Variants in SFTPD observed in about 807,000 individuals in gnomAD.
SFTPD encodes surfactant protein D.
A neutral mutation model predicts 34.6 loss-of-function variants in SFTPD; 18 were observed. The observed-to-expected ratio is 0.52, with a 90% CI of 0.36 to 0.77. The LOEUF (loss-of-function observed/expected upper bound fraction) is 0.77. Ranked by LOEUF, SFTPD falls within the 30% of genes least tolerant of loss-of-function variation. SFTPD has a pLI of 0.00. For missense variants in SFTPD, 433 were observed against 468.9 expected (o/e 0.92, Z 0.71); for synonymous variants, 155 against 180.9 (o/e 0.86, Z 1.15).
In SFTPD at chr10:79,940,775, C is replaced by G; in HGVS notation, c.681G>C (p.Leu227=). 1.2e-6 allele frequency: 2 copies of G among 1,610,638 alleles called. No homozygotes were observed. The highest frequency in any genetic ancestry group is 4.5e-5 in the East Asian group (2 of 44,838). Residue 227 remains leucine (L), a synonymous_variant, in exon 7 of 8, where the codon CTG becomes CTC. Coordinates refer to ENST00000372292, the MANE Select transcript of SFTPD (RefSeq NM_003019.5). ...CCTGTAAGGCCTCAACCTGCTGCCT[C>G]AGAGAAGCAACATCTGGAGGGGAGA... ...GESGLPDVAS[L]RQQVEALQGQ...
At chr10:79,979,350 C>A (rs201786515) in intron 1 of SFTPD, among the ~76,000 whole-genome samples, 1 of 152,126 alleles carries the variant, frequency 6.6e-6, no homozygotes, top group Non-Finnish European at 1.5e-5. Flanking sequence ...TTCATAAGAA[C>A]CAAAAATCAG....
chr10:79,976,937 T>C (rs191261729), intron 1 of SFTPD, among the ~76,000 whole-genome samples: 15 of 152,330 alleles, frequency 9.8e-5, no homozygotes, highest in African/African-American at 3.6e-4. Context: ...GGTGGATTTA[T>C]CAAGGGTTTC....
At chr10:79,945,612 C>T (rs1169827887) in intron 2 of SFTPD, among the ~76,000 whole-genome samples, 1 of 152,204 alleles carries the variant, frequency 6.6e-6, no homozygotes, top group African/African-American at 2.4e-5. Flanking sequence ...CTCATCAGTA[C>T]CTCTGCTAAG....
chr10:79,951,290 G>C (rs1262936616), upstream of SFTPD, among the ~76,000 whole-genome samples: 1 of 152,120 alleles, frequency 6.6e-6, no homozygotes, highest in Non-Finnish European at 1.5e-5. Context: ...TGCTTATGCT[G>C]ATTTCTTCTC....
chr10:79,950,632 T>G (rs937866984), upstream of SFTPD: 1 of 152,254 alleles, frequency 6.6e-6, no homozygotes, highest in African/African-American at 2.4e-5. Context: ...ACATTGACTT[T>G]GGATAGTCTG....
At chr10:79,980,282 C>T (rs1298810403) in intron 1 of SFTPD, among the ~76,000 whole-genome samples, 4 of 152,038 alleles carry the variant, frequency 2.6e-5, no homozygotes, top group East Asian at 1.9e-4. Context: ...ACTTGGGTAC[C>T]AGCTCAGTCT....
At chr10:79,955,221 G>T (rs192925930) in intron 1 of SFTPD, among the ~76,000 whole-genome samples, 1 of 152,140 alleles carries the variant, frequency 6.6e-6, no homozygotes, top group African/African-American at 2.4e-5. Context: ...CTTTTACTTG[G>T]ATCCCAAATG....
chr10:79,940,730 C>G lies in SFTPD; in HGVS notation c.726G>C (p.Gln242His). 6.2e-7 allele frequency: 1 copy of G among 1,610,270 alleles called. No homozygotes were observed. The highest frequency in any genetic ancestry group is 8.5e-7 in the Non-Finnish European group (1 of 1,176,858). ...CTTTCTTATACTGAGAGAAAGCAGC[C>G]TGGAGGTGCTGTACTTGTCCCTGTA... The part of the protein sequence containing the change: ...EALQGQVQHL[Q>H]AAFSQYKKVE... The change falls in exon 7 of 8, where the codon CAG (glutamine) becomes CAC (histidine). Residue 242 changes from glutamine (Q) to histidine (H), a missense_variant. By Grantham distance (24) the Gln-to-His change is conservative. Transcript: ENST00000372292.
In SFTPD at chr10:79,941,449, C is replaced by G; in HGVS notation, c.616G>C (p.Asp206His). Residue 206 changes from aspartate (D) to histidine (H), a missense_variant, in exon 6 of 8, where the codon GAC becomes CAC. Coordinates refer to ENST00000372292, the MANE Select transcript of SFTPD (RefSeq NM_003019.5). The part of the protein sequence containing the change: ...GARGPPGLKG[D>H]KGIPGDKGAK... Reference sequence around the variant, plus strand: ...CCTTTGTCTCCAGGAATGCCTTTGTCCCCCTTCAATCCCGGGGGTCCCCTG... The same window carrying G: ...CCTTTGTCTCCAGGAATGCCTTTGTGCCCCTTCAATCCCGGGGGTCCCCTG... 2 of 1,613,860 alleles carry G rather than the reference C, an allele frequency of 1.2e-6. No individual in the cohort carries two copies. The highest frequency in any genetic ancestry group is 1.7e-6 in the Non-Finnish European group (2 of 1,179,808).
At chr10:79,956,786 C>T (rs1209238599) in intron 1 of SFTPD, among the ~76,000 whole-genome samples, 2 of 152,340 alleles carry the variant, frequency 1.3e-5, no homozygotes, top group African/African-American at 4.8e-5. Context: ...CCCTGTCTGA[C>T]AGCTTTGAAG....
At chr10:79,943,514 T>C (rs1842636716) in intron 2 of SFTPD, among the ~76,000 whole-genome samples, 1 of 151,814 alleles carries the variant, frequency 6.6e-6, no homozygotes, top group African/African-American at 2.4e-5. Context: ...AAAGAGAAAG[T>C]GGGATTTTAA....
upstream of SFTPD, chr10:79,949,221 C>T (rs899814839): frequency 6.6e-6 from 1 of 152,244 alleles, no homozygotes; most frequent in Non-Finnish European, 1.5e-5. Flanking sequence ...CTCACTCACT[C>T]TTATCCCCAC....
intron 1 of SFTPD, among the ~76,000 whole-genome samples, chr10:79,978,186 G>T (rs1842872705): frequency 2.6e-5 from 4 of 152,076 alleles, no homozygotes. Context: ...ATAATCTATG[G>T]GACCTAACAT....
rs563114039 is a variant in SFTPD at position 79,981,077 on chromosome 10, G to T, written c.36+1498C>A. ...TTTAAGAAATCTCAATGAAATCCAA[G>T]GTAATACAGAGAGGGAATTCAGAAT... On this transcript the variant is annotated intron_variant, in intron 1 of 5. Transcript: ENST00000444384. Among the ~76,000 whole-genome samples, 18 of 152,080 alleles carry T rather than the reference G, an allele frequency of 1.2e-4. No homozygotes were observed. In the East Asian group the frequency reaches 1.7e-3, roughly 15 times the overall value.
chr10:79,969,834 G>C (rs1842826005), intron 1 of SFTPD: 1 of 152,064 alleles, frequency 6.6e-6, no homozygotes, highest in South Asian at 2.1e-4. Context: ...CCATTCTGTA[G>C]GTTCTTTTAA....
At chr10:79,971,135 TG>T (rs909880767) in intron 1 of SFTPD, 7 of 152,312 alleles carry the variant, frequency 4.6e-5, no homozygotes, top group Admixed American at 4.6e-4. Flanking sequence ...ATTTTCTTTT[TG>T]TCCATCATTT....
At chr10:79,956,291 CCAGAGAGTGGTTG>C (rs1222040001) in intron 1 of SFTPD, among the ~76,000 whole-genome samples, 5 of 152,202 alleles carry the variant, frequency 3.3e-5, no homozygotes, top group Non-Finnish European at 7.3e-5. Context: ...CTAGGGAGTG[CCAGAGAGTGGTTG>C]CAGGACAGTG....
rs374238196 is a variant in SFTPD at position 79,963,206 on chromosome 10, G to A, written c.37-16544C>T. ...AAAAATTAAAAAATTAGCTGGGCAT[G>A]GTGATACATTCCTGCAGTCCTAGCT... On this transcript the variant is annotated intron_variant, in intron 1 of 5. Coordinates refer to the SFTPD transcript ENST00000444384. Among the ~76,000 whole-genome samples the A allele has an allele frequency of 3.3e-4, 50 of 152,172 alleles. 1 individual carries two copies. The East Asian group carries it at 4.7e-3, about 14-fold the overall frequency.
chr10:79,980,757 CT>C (rs1445502288), intron 1 of SFTPD, among the ~76,000 whole-genome samples: 1 of 152,264 alleles, frequency 6.6e-6, no homozygotes, highest in African/African-American at 2.4e-5. Flanking sequence ...CACAGCATTA[CT>C]GAGTTTGGGG....
Sources: gnomAD v4.1 joint callset for allele counts (sites outside exome capture counted in the v4.1 genomes callset) on GRCh38, gnomAD v4.1.1 for gene constraint, MANE v1.5 for transcripts, NCBI Gene and HGNC (gene_info 2026-07-23, HGNC 2026-07-21) for gene names.